The following SLC12A2 variants were observed in gnomAD, a reference collection of about 807,000 sequenced individuals.
The protein encoded by SLC12A2 is solute carrier family 12 member 2.
In SLC12A2, 67 loss-of-function variants were observed where a neutral mutation model predicts 136.3. The observed-to-expected ratio is 0.49, with a 90% confidence interval of 0.40 to 0.60. SLC12A2 has a LOEUF of 0.60. Ranked by LOEUF, SLC12A2 falls within the 20% of genes least tolerant of loss-of-function variation. The pLI is 0.00. For synonymous variants in SLC12A2, 619 were observed against 562.9 expected (o/e 1.10, Z -1.41); for missense variants, 1,322 against 1,534.7 (o/e 0.86, Z 2.32).
In SLC12A2 at chr5:128,167,820, G is replaced by T. The variant is rs375335481; in HGVS notation, c.2676G>T (p.Trp892Cys). 7 of 1,609,232 alleles carry T rather than the reference G, an allele frequency of 4.3e-6. No individual in the cohort carries two copies. Among genetic ancestry groups the T allele is most frequent in the Non-Finnish European group, 5.9e-6 (7 of 1,177,962 alleles). ...NTLVLGFKKD[W>C]LQADMRDVDM... ...TTGTCCTTGGATTTAAGAAAGATTG[G>T]TTGCAAGCAGATATGAGGGATGTGG... The change falls in exon 18 of 27, where the codon TGG becomes TGT. Residue 892 changes from tryptophan to cysteine, a missense_variant. Physicochemically the swap from Trp to Cys is radical, Grantham distance 215. Transcript: ENST00000262461.
intron 1 of SLC12A2, among the ~76,000 whole-genome samples, chr5:128,095,247 G>A (rs1760484317): frequency 6.6e-6 from 1 of 152,112 alleles, no homozygotes; most frequent in East Asian, 1.9e-4. Flanking sequence ...ATATTGTATT[G>A]TTAGAAATGT....
intron 1 of SLC12A2, 71 bp from the exon 2 acceptor site, chr5:128,112,741 GTT>G: frequency 8.5e-7 from 1 of 1,170,340 alleles, no homozygotes; most frequent in South Asian, 1.5e-5. Flanking sequence ...GATGTATTTA[GTT>G]ATGTTTGTTT....
chr5:128,144,754 C>T (rs1581108606), intron 10 of SLC12A2, among the ~76,000 whole-genome samples: 2 of 152,170 alleles, frequency 1.3e-5, no homozygotes, highest in East Asian at 3.9e-4. Context: ...GCTTGGAATG[C>T]ACCTGTGGTT....
rs946187372 is a variant in SLC12A2, at chr5:128,187,683, C to G, written c.*1052C>G. 3.9e-5 allele frequency: 6 copies of G among 152,518 alleles called. No individual in the cohort carries two copies. The highest frequency in any genetic ancestry group is 7.4e-5 in the Non-Finnish European group (5 of 67,984). The allele number at this position is 152,518 out of a possible 1,614,324, so 9.4% of individuals were successfully genotyped here. On this transcript the variant is annotated 3_prime_UTR_variant, in exon 27 of 27. Transcript: ENST00000262461. ...TAGAGAAATGTTTTTAGGCTTAATT[C>G]ATTCAATTGTCAAGTACACTTAGTC...
chr5:128,172,824 G>C (rs991810858), intron 19 of SLC12A2, among the ~76,000 whole-genome samples: 1 of 152,066 alleles, frequency 6.6e-6, no homozygotes, highest in Non-Finnish European at 1.5e-5. Context: ...AGTGGGGCAT[G>C]CTTGTAATCC....
At position 128,134,198 on chromosome 5, in the gene SLC12A2, G is replaced by A; in HGVS notation, c.1222G>A (p.Asp408Asn). The change falls in exon 6 of 27, where the codon GAT (aspartate) becomes AAT (asparagine). Residue 408 changes from aspartate (D) to asparagine (N), a missense_variant. Physicochemically the swap from Asp to Asn is conservative, Grantham distance 23. Around this residue, in one of 8 missense-constraint regions of SLC12A2, gnomAD observed 110 missense variants for 114.5 expected, o/e 0.96. Coordinates refer to ENST00000262461, the MANE Select transcript of SLC12A2 (RefSeq NM_001046.3). ...CATACTTATGATAGATGAAATCAAT[G>A]ATATCCGAATTATTGGAGCCATTAC... The part of the protein sequence containing the change: ...HSILMIDEIN[D>N]IRIIGAITVV... 6.2e-7 allele frequency: 1 copy of A among 1,600,134 alleles called. No individual in the cohort carries two copies. Among genetic ancestry groups the A allele is most frequent in the Non-Finnish European group, 8.6e-7 (1 of 1,168,032 alleles).
At chr5:128,184,723 T>G in intron 25 of SLC12A2, 66 bp from the exon 26 acceptor site, 1 of 1,605,982 alleles carries the variant, frequency 6.2e-7, no homozygotes, top group Non-Finnish European at 8.5e-7. Flanking sequence ...CTCCTTATAG[T>G]TTTATGAACC....
rs533219762 is a variant in SLC12A2, at chr5:128,107,600, T to C, written c.757-5214T>C. On this transcript the variant is annotated intron_variant, in intron 1 of 26. Transcript: ENST00000262461. The stretch of plus-strand genomic sequence containing the variant: ...GAATGATGGTTTCCAGCTTCATCCA[T>C]GTCCCTGCAAAGGACATGAACTCAT... Among the ~76,000 whole-genome samples the C allele has an allele frequency of 2.2e-3, 340 of 152,336 alleles. 1 individual carries two copies. The highest frequency in any genetic ancestry group is 3.9e-3 in the Non-Finnish European group (267 of 68,032).
intron 10 of SLC12A2, among the ~76,000 whole-genome samples, chr5:128,144,480 G>T (rs1762467732): frequency 6.6e-6 from 1 of 151,982 alleles, no homozygotes; most frequent in Non-Finnish European, 1.5e-5. Context: ...AGTTATTTAG[G>T]TTATCTTCTT....
At chr5:128,101,367 A>G (rs764804980) in intron 1 of SLC12A2, among the ~76,000 whole-genome samples, 2 of 152,176 alleles carry the variant, frequency 1.3e-5, no homozygotes, top group African/African-American at 2.4e-5. Context: ...TAACGCTTTG[A>G]CTTACCTTAG....
At chr5:128,102,647 C>T (rs1760788670) in intron 1 of SLC12A2, among the ~76,000 whole-genome samples, 1 of 107,674 alleles carries the variant, frequency 9.3e-6, no homozygotes, top group Non-Finnish European at 1.7e-5. Flanking sequence ...TAGTCTCACT[C>T]TCTTGCCCAG....
intron 26 of SLC12A2, 35 bp from the exon 27 acceptor site, chr5:128,186,461 G>GTTTTTTTT (rs11382084): frequency 4.4e-5 from 58 of 1,323,374 alleles, no homozygotes; most frequent in East Asian, 1.8e-4. Flanking sequence ...ATTGCTCAGG[G>GTTTTTTTT]TTTTTTTTTT....
chr5:128,161,831 C>T (rs1029695328), intron 17 of SLC12A2, 31 bp downstream of exon 17: 1 of 1,362,702 alleles, frequency 7.3e-7, no homozygotes, highest in Admixed American at 2.9e-5. Context: ...CAAATGCCTA[C>T]ATTTTAGATT....
At chr5:128,156,457 A>G (rs1354669646) in intron 15 of SLC12A2, among the ~76,000 whole-genome samples, 2 of 152,180 alleles carry the variant, frequency 1.3e-5, no homozygotes, top group Non-Finnish European at 2.9e-5. Flanking sequence ...GTCATCCCTA[A>G]TAAACTTTGT....
chr5:128,182,767 T>C, intron 23 of SLC12A2, 88 bp from the exon 24 acceptor site: 2 of 879,538 alleles, frequency 2.3e-6, no homozygotes, highest in South Asian at 3.4e-5. Context: ...ACTGACTTTT[T>C]CTATAAATCA....
intron 23 of SLC12A2, 96 bp from the exon 24 acceptor site, chr5:128,182,755 AGACT>A (rs1472316462): frequency 2.1e-5 from 16 of 764,946 alleles, no homozygotes; most frequent in Admixed American, 1.3e-4. Flanking sequence ...AGCATATGAT[AGACT>A]GACTTTTTCT....
At chr5:128,121,001 T>C (rs1234987096) in intron 4 of SLC12A2, among the ~76,000 whole-genome samples, 1 of 152,204 alleles carries the variant, frequency 6.6e-6, no homozygotes, top group East Asian at 1.9e-4. Flanking sequence ...TTGAAAATTA[T>C]GTGTTTGCAG....
intron 5 of SLC12A2, among the ~76,000 whole-genome samples, chr5:128,133,842 A>T (rs565369858): frequency 6.6e-6 from 1 of 152,114 alleles, no homozygotes; most frequent in African/African-American, 2.4e-5. Flanking sequence ...TATTTCTGCT[A>T]TATAACTTAA....
At chr5:128,181,881 G>T (rs905249192) in intron 23 of SLC12A2, among the ~76,000 whole-genome samples, 2 of 151,600 alleles carry the variant, frequency 1.3e-5, no homozygotes, top group African/African-American at 4.9e-5. Flanking sequence ...TTTAAATACT[G>T]CATTCTTTAA....
Sources: allele counts gnomAD v4.1 joint callset (sites outside exome capture counted in the v4.1 genomes callset), GRCh38; gene constraint gnomAD v4.1.1; regional missense constraint gnomAD v4.1.1; transcripts MANE v1.5; gene names NCBI Gene and HGNC (gene_info 2026-07-23, HGNC 2026-07-21).